The following SORCS3 variants were observed in gnomAD, a reference collection of about 807,000 sequenced individuals.
The protein encoded by SORCS3 is VPS10 domain-containing receptor SorCS3.
A neutral mutation model predicts 146.3 loss-of-function variants in SORCS3; 57 were observed. The ratio of observed to expected loss-of-function variants is 0.39; its 90% CI spans 0.31 to 0.49. SORCS3 has a LOEUF of 0.49. Among genes scored for constraint, SORCS3 ranks in the 20% least tolerant of loss-of-function variants. The pLI, the probability that SORCS3 is intolerant of heterozygous loss-of-function variation, is 0.92. For synonymous variants in SORCS3, 653 were observed against 618.5 expected (o/e 1.06, Z -0.83); for missense variants, 1,341 against 1,575.5 (o/e 0.85, Z 2.52).
At chr10:105,119,095 G>T (rs2133763632) in intron 7 of SORCS3, among the ~76,000 whole-genome samples, 1 of 152,272 alleles carries the variant, frequency 6.6e-6, no homozygotes, top group East Asian at 1.9e-4. Context: ...GCTGGGCCTA[G>T]GGTCCCCCTG....
At chr10:104,835,657 T>C (rs1272759828) in intron 1 of SORCS3, among the ~76,000 whole-genome samples, 1 of 152,058 alleles carries the variant, frequency 6.6e-6, no homozygotes, top group Non-Finnish European at 1.5e-5. Context: ...CAAAGCTGAG[T>C]GGAGGTGCCA....
At chr10:105,008,181 A>G (rs1193508660) in intron 4 of SORCS3, among the ~76,000 whole-genome samples, 2 of 152,202 alleles carry the variant, frequency 1.3e-5, no homozygotes, top group Non-Finnish European at 2.9e-5. Flanking sequence ...CCATCTTAGC[A>G]TTAACCACTT....
At chr10:104,745,624 G>A (rs772609154) in intron 1 of SORCS3, among the ~76,000 whole-genome samples, 1 of 152,140 alleles carries the variant, frequency 6.6e-6, no homozygotes, top group Non-Finnish European at 1.5e-5. Context: ...AGATGTTTAA[G>A]TATATAATAG....
At chr10:104,794,090 C>T (rs150946208) in intron 1 of SORCS3, among the ~76,000 whole-genome samples, 17 of 152,246 alleles carry the variant, frequency 1.1e-4, no homozygotes, top group African/African-American at 2.2e-4. Context: ...AAGTCGCAGG[C>T]GGCTGCTGTT....
At chr10:104,789,772 C>T (rs879793154) in intron 1 of SORCS3, among the ~76,000 whole-genome samples, 1 of 152,268 alleles carries the variant, frequency 6.6e-6, no homozygotes, top group South Asian at 2.1e-4. Context: ...TGGGGATGGG[C>T]TCTGTCTGTC....
chr10:104,790,567 C>T (rs2017485285), intron 1 of SORCS3, among the ~76,000 whole-genome samples: 2 of 152,300 alleles, frequency 1.3e-5, no homozygotes, highest in South Asian at 4.1e-4. Flanking sequence ...ACAAATCTCT[C>T]TCCAAGATTT....
At chr10:104,674,774 G>T (rs990333434) in intron 1 of SORCS3, among the ~76,000 whole-genome samples, 1 of 151,760 alleles carries the variant, frequency 6.6e-6, no homozygotes, top group African/African-American at 2.4e-5. Context: ...TTTTGTTAAG[G>T]GTTTTTTTCA....
intron 1 of SORCS3, among the ~76,000 whole-genome samples, chr10:104,800,845 T>C (rs1471062626): frequency 1.3e-5 from 2 of 152,152 alleles, no homozygotes; most frequent in Non-Finnish European, 2.9e-5. Context: ...CACTGGCAGA[T>C]CATTGAGCAA....
At chr10:104,971,934 G>T (rs2054862923) in intron 3 of SORCS3, among the ~76,000 whole-genome samples, 1 of 152,272 alleles carries the variant, frequency 6.6e-6, no homozygotes, top group Non-Finnish European at 1.5e-5. Flanking sequence ...TAATGGAAAA[G>T]TCTGAGTGTC....
intron 1 of SORCS3, among the ~76,000 whole-genome samples, chr10:104,830,061 A>AC (rs1425076411): frequency 1.3e-5 from 2 of 150,964 alleles, no homozygotes; most frequent in Non-Finnish European, 3.0e-5. Context: ...TAGCCCCCCA[A>AC]CCCCCGACAG....
chr10:104,809,280 G>A (rs1438903175), intron 1 of SORCS3, among the ~76,000 whole-genome samples: 1 of 152,186 alleles, frequency 6.6e-6, no homozygotes, highest in Non-Finnish European at 1.5e-5. Context: ...TTCTGGTCTT[G>A]GTTGGGATTC....
At chr10:104,744,498 A>G (rs974473960) in intron 1 of SORCS3, among the ~76,000 whole-genome samples, 3 of 152,352 alleles carry the variant, frequency 2.0e-5, no homozygotes, top group African/African-American at 7.2e-5. Context: ...AATCCTCACA[A>G]CAATCCTATG....
intron 1 of SORCS3, among the ~76,000 whole-genome samples, chr10:104,813,552 C>A (rs148377200): frequency 7.8e-4 from 118 of 152,220 alleles, no homozygotes; most frequent in African/African-American, 2.8e-3. Flanking sequence ...GTAGCCTTAG[C>A]AACTCATTTC....
chr10:104,923,597 G>C lies in SORCS3; in HGVS notation c.795+7665G>C, dbSNP rs2019109737. ...CCCAGGGACGCTTAGCCCTCCTCCT[G>C]CAGGCAAGGGAGTTAGAGATGCTGC... On this transcript the variant is annotated intron_variant, in intron 3 of 26. Coordinates refer to ENST00000369701, the MANE Select transcript of SORCS3 (RefSeq NM_014978.3). Among the ~76,000 whole-genome samples the C allele has an allele frequency of 2.0e-5, 3 of 152,238 alleles. No individual in the cohort carries two copies. In the South Asian group the frequency reaches 6.2e-4, roughly 32 times the overall value.
At chr10:104,806,410 TG>T (rs1393363951) in intron 1 of SORCS3, among the ~76,000 whole-genome samples, 2 of 152,192 alleles carry the variant, frequency 1.3e-5, no homozygotes, top group Non-Finnish European at 2.9e-5. Flanking sequence ...CCTCTTCAGT[TG>T]GGGTGACATG....
chr10:104,933,719 A>G (rs1420683798), intron 3 of SORCS3, among the ~76,000 whole-genome samples: 1 of 152,186 alleles, frequency 6.6e-6, no homozygotes, highest in African/African-American at 2.4e-5. Context: ...ATTTATTATC[A>G]TTCCCATCTT....
intron 1 of SORCS3, among the ~76,000 whole-genome samples, chr10:104,693,580 G>C (rs2016139403): frequency 6.6e-6 from 1 of 152,110 alleles, no homozygotes; most frequent in African/African-American, 2.4e-5. Context: ...TAATAACCCA[G>C]AGCTGACTCC....
intron 2 of SORCS3, among the ~76,000 whole-genome samples, chr10:104,844,102 T>C (rs1339090350): frequency 2.0e-5 from 3 of 152,328 alleles, no homozygotes; most frequent in South Asian, 4.1e-4. Flanking sequence ...TAATTGCTCA[T>C]GTCGACTGAG....
intron 5 of SORCS3, among the ~76,000 whole-genome samples, chr10:105,065,488 C>T (rs2055517000): frequency 6.6e-6 from 1 of 151,986 alleles, no homozygotes. Context: ...GAGAACCCTT[C>T]CAGTGCTAAA....
Sources: allele counts gnomAD v4.1 joint callset (sites outside exome capture counted in the v4.1 genomes callset), GRCh38; gene constraint gnomAD v4.1.1; transcripts MANE v1.5; gene names NCBI Gene and HGNC (gene_info 2026-07-23, HGNC 2026-07-21).